CREBBP: variants seen among roughly 807,000 people sequenced by gnomAD.
CREBBP encodes the protein CREB binding lysine acetyltransferase, also known as CREB-binding protein.
In CREBBP, 19 loss-of-function variants were observed where a neutral mutation model predicts 265.0. The ratio of observed to expected loss-of-function variants is 0.07; its 90% confidence interval spans 0.05 to 0.11. The LOEUF is 0.11. CREBBP is among the 10% of genes least tolerant of loss of function. CREBBP has a pLI of 1.00. For synonymous variants in CREBBP, 1,457 were observed against 1,223.7 expected (o/e 1.19, Z -3.98); for missense variants, 2,525 against 3,219.0 (o/e 0.78, Z 5.22).
intron 1 of CREBBP, among the ~76,000 whole-genome samples, chr16:3,871,976 T>C (rs1167576891): frequency 6.6e-6 from 1 of 152,218 alleles, no homozygotes; most frequent in Non-Finnish European, 1.5e-5. Flanking sequence ...GTAGAATTAT[T>C]TTCCCCATTA....
chr16:3,818,183 G>A (rs905034253), intron 2 of CREBBP, among the ~76,000 whole-genome samples: 1 of 152,208 alleles, frequency 6.6e-6, no homozygotes, highest in African/African-American at 2.4e-5. Flanking sequence ...GACCAATGGG[G>A]GGCCGGGGAG....
chr16:3,854,716 C>T (rs1434657135), intron 1 of CREBBP, among the ~76,000 whole-genome samples: 2 of 152,330 alleles, frequency 1.3e-5, no homozygotes, highest in East Asian at 3.9e-4. Flanking sequence ...CATTCTAAAA[C>T]TCACCTCAGT....
At chr16:3,862,200 A>G (rs1282567391) in intron 1 of CREBBP, among the ~76,000 whole-genome samples, 1 of 152,188 alleles carries the variant, frequency 6.6e-6, no homozygotes, top group Non-Finnish European at 1.5e-5. Context: ...AAAAGTAGGA[A>G]AGGCTTCAAA....
At chr16:3,820,267 C>T (rs2054116113) in intron 2 of CREBBP, among the ~76,000 whole-genome samples, 1 of 152,228 alleles carries the variant, frequency 6.6e-6, no homozygotes, top group South Asian at 2.1e-4. Context: ...TCTGCTATCA[C>T]TCGCTTGCTC....
intron 2 of CREBBP, among the ~76,000 whole-genome samples, chr16:3,843,266 T>C (rs1416014794): frequency 1.3e-5 from 2 of 151,816 alleles, no homozygotes; most frequent in African/African-American, 4.9e-5. Flanking sequence ...CCTCCTATCC[T>C]TTTTTTAAAC....
chr16:3,800,452 C>A (rs2053690034), intron 3 of CREBBP, among the ~76,000 whole-genome samples: 1 of 152,152 alleles, frequency 6.6e-6, no homozygotes, highest in South Asian at 2.1e-4. Flanking sequence ...CAGATCCTCT[C>A]ATTTTTCCCC....
chr16:3,811,362 T>C (rs2053934819), intron 2 of CREBBP, among the ~76,000 whole-genome samples: 2 of 152,176 alleles, frequency 1.3e-5, no homozygotes, highest in South Asian at 4.1e-4. Flanking sequence ...CCTCAGCCTC[T>C]GCCAACCAAG....
intron 28 of CREBBP, among the ~76,000 whole-genome samples, chr16:3,732,731 G>C (rs756299432): frequency 1.3e-5 from 2 of 151,528 alleles, no homozygotes; most frequent in African/African-American, 2.4e-5. Flanking sequence ...ACAGAGTCTC[G>C]CTCTTGTCAC....
chr16:3,857,684 G>A (rs1000355552), intron 1 of CREBBP, among the ~76,000 whole-genome samples: 1 of 152,210 alleles, frequency 6.6e-6, no homozygotes, highest in Non-Finnish European at 1.5e-5. Context: ...GCAAAGAAAA[G>A]GAGACTGTGG....
chr16:3,819,052 G>C (rs2054093672), intron 2 of CREBBP, among the ~76,000 whole-genome samples: 1 of 152,278 alleles, frequency 6.6e-6, no homozygotes, highest in Non-Finnish European at 1.5e-5. Context: ...CCGGGACAGA[G>C]ACAGGATCTG....
At chr16:3,853,646 C>G (rs551604527) in intron 1 of CREBBP, among the ~76,000 whole-genome samples, 90 of 147,112 alleles carry the variant, frequency 6.1e-4, no homozygotes, top group Middle Eastern at 4.1e-3. Context: ...ACAAAAAACA[C>G]CATACATCGG....
At chr16:3,784,845 T>A (rs1451651952) in intron 5 of CREBBP, among the ~76,000 whole-genome samples, 1 of 152,236 alleles carries the variant, frequency 6.6e-6, no homozygotes, top group Non-Finnish European at 1.5e-5. Flanking sequence ...CGCCTCATAC[T>A]CACATAGGCC....
intron 1 of CREBBP, among the ~76,000 whole-genome samples, chr16:3,866,811 A>G (rs2055187858): frequency 6.6e-6 from 1 of 152,044 alleles, no homozygotes; most frequent in South Asian, 2.1e-4. Flanking sequence ...TCTAATTATC[A>G]TTTTTGCTCT....
At chr16:3,752,102 A>C (rs1454893854) in intron 19 of CREBBP, among the ~76,000 whole-genome samples, 2 of 152,182 alleles carry the variant, frequency 1.3e-5, no homozygotes, top group African/African-American at 4.8e-5. Flanking sequence ...CTCATTGCAC[A>C]CATCACAGGC....
chr16:3,860,070 A>C (rs1322280019), intron 1 of CREBBP, among the ~76,000 whole-genome samples: 1 of 152,012 alleles, frequency 6.6e-6, no homozygotes, highest in Non-Finnish European at 1.5e-5. Flanking sequence ...ATCTGACACC[A>C]TCTGCCTGTC....
At chr16:3,755,182 A>G (rs867097032) in intron 19 of CREBBP, among the ~76,000 whole-genome samples, 3 of 152,340 alleles carry the variant, frequency 2.0e-5, no homozygotes, top group Middle Eastern at 6.8e-3. Context: ...CATGCCATCA[A>G]TGACTTTATA....
chr16:3,730,271 G>T (rs1567264203), intron 30 of CREBBP, among the ~76,000 whole-genome samples: 1 of 152,156 alleles, frequency 6.6e-6, no homozygotes, highest in Non-Finnish European at 1.5e-5. Flanking sequence ...CTCTGACCTG[G>T]GAGTCACATC....
Position 3,727,649 on chromosome 16 carries a change from C to G in CREBBP, c.*69G>C, listed in dbSNP as rs1244418439. 1.9e-6 allele frequency: 3 copies of G among 1,613,112 alleles called. No homozygotes were observed. Among genetic ancestry groups the G allele is most frequent in the African/African-American group, 1.3e-5 (1 of 74,858 alleles). On this transcript the variant is annotated 3_prime_UTR_variant, in exon 31 of 31. Coordinates refer to ENST00000262367, the MANE Select transcript of CREBBP (RefSeq NM_004380.3). ...AGTTCCATCTAGGAATAAAAAGAACCTAGATGCCTGGATTTTCAGTACAAA... is the reference window on the plus strand; with the variant it reads ...AGTTCCATCTAGGAATAAAAAGAACGTAGATGCCTGGATTTTCAGTACAAA...
chr16:3,834,677 C>T (rs553528752), intron 2 of CREBBP, among the ~76,000 whole-genome samples: 53 of 152,204 alleles, frequency 3.5e-4, no homozygotes, highest in African/African-American at 1.3e-3. Context: ...CTACAGACTT[C>T]GGATTATGAT....
Sources: gnomAD v4.1 joint callset for allele counts (sites outside exome capture counted in the v4.1 genomes callset) on GRCh38, gnomAD v4.1.1 for gene constraint, MANE v1.5 for transcripts, NCBI Gene and HGNC (gene_info 2026-07-23, HGNC 2026-07-21) for gene names.